SAMD4A: variants seen among roughly 807,000 people sequenced by gnomAD.
SAMD4A encodes the protein protein Smaug homolog 1.
A neutral mutation model predicts 81.3 loss-of-function variants in SAMD4A; 33 were observed. The observed-to-expected ratio is 0.41, with a 90% CI of 0.31 to 0.54. SAMD4A has a LOEUF of 0.54. SAMD4A is among the 20% of genes least tolerant of loss of function. The pLI is 0.37. For missense variants in SAMD4A, 854 were observed against 951.1 expected, an observed-to-expected ratio of 0.90 and a Z score of 1.34; for synonymous variants, 389 against 382.1, an observed-to-expected ratio of 1.02 and a Z score of -0.21.
chr14:54,707,683 A>G (rs967268633), intron 3 of SAMD4A, among the ~76,000 whole-genome samples: 2 of 152,140 alleles, frequency 1.3e-5, no homozygotes, highest in East Asian at 1.9e-4. Context: ...TGGTCAGGGT[A>G]GACCCCTTTG....
chr14:54,637,365 C>CAAAAAAAAAAAA (rs1172084217), intron 2 of SAMD4A, among the ~76,000 whole-genome samples: 2 of 63,790 alleles, frequency 3.1e-5, no homozygotes, highest in African/African-American at 1.4e-4. Flanking sequence ...AACTCCATCT[C>CAAAAAAAAAAAA]AAAAAAAAAA....
At chr14:54,605,788 C>T (rs1478018839) in intron 2 of SAMD4A, among the ~76,000 whole-genome samples, 1 of 151,710 alleles carries the variant, frequency 6.6e-6, no homozygotes, top group East Asian at 1.9e-4. Context: ...GGGCATTAAA[C>T]ATGCCTATAT....
chr14:54,594,570 G>T (rs1225530909), intron 2 of SAMD4A, among the ~76,000 whole-genome samples: 3 of 152,228 alleles, frequency 2.0e-5, no homozygotes, highest in Non-Finnish European at 4.4e-5. Context: ...GTTGGATATG[G>T]AAATTGTAGT....
chr14:54,762,887 C>G (rs902049204), intron 7 of SAMD4A, among the ~76,000 whole-genome samples: 16 of 150,040 alleles, frequency 1.1e-4, no homozygotes, highest in Non-Finnish European at 2.2e-4. Flanking sequence ...TGGAGTCTCG[C>G]TCTGTCACGC....
At chr14:54,776,375 G>A in intron 10 of SAMD4A, 39 bp from the exon 11 acceptor site, 1 of 1,576,528 alleles carries the variant, frequency 6.3e-7, no homozygotes, top group Non-Finnish European at 8.6e-7. Context: ...ACCCCAGTGG[G>A]GCTGAACTAA....
chr14:54,651,541 T>C (rs148873942), intron 2 of SAMD4A, among the ~76,000 whole-genome samples: 4,010 of 152,316 alleles, frequency 0.026, 59 homozygotes, highest in Middle Eastern at 0.082. Context: ...ATGGGTCATA[T>C]GTTGGAATTT....
At chr14:54,638,384 T>C (rs2035087870) in intron 2 of SAMD4A, among the ~76,000 whole-genome samples, 1 of 152,208 alleles carries the variant, frequency 6.6e-6, no homozygotes, top group Non-Finnish European at 1.5e-5. Flanking sequence ...CTGCGTGCAT[T>C]AATATTTCCT....
intron 2 of SAMD4A, among the ~76,000 whole-genome samples, chr14:54,691,407 G>T (rs753246315): frequency 6.6e-6 from 1 of 152,090 alleles, no homozygotes; most frequent in Non-Finnish European, 1.5e-5. Flanking sequence ...CAATTTCATG[G>T]CAGGATACCC....
intron 6 of SAMD4A, chr14:54,754,675 G>A (rs1367697864): frequency 1.7e-5 from 3 of 180,266 alleles, no homozygotes; most frequent in Non-Finnish European, 3.2e-5. Flanking sequence ...AGACACCGCT[G>A]GGCTGATGAT....
intron 7 of SAMD4A, among the ~76,000 whole-genome samples, chr14:54,764,102 C>CT (rs2038476228): frequency 6.6e-6 from 1 of 152,220 alleles, no homozygotes; most frequent in South Asian, 2.1e-4. Context: ...GTGTCAGGGT[C>CT]TTGGATACTT....
In SAMD4A at chr14:54,788,939, A is replaced by G. The variant is rs2039210309; in HGVS notation, c.2152A>G (p.Ile718Val). The change falls in exon 13 of 13, where the codon ATC (isoleucine) becomes GTC (valine). Residue 718 changes from isoleucine (I) to valine (V), a missense_variant. Ile to Val is a conservative substitution (Grantham distance 29). Around this residue, in one of 3 missense-constraint regions of SAMD4A, gnomAD observed 428 missense variants for 471.2 expected, o/e 0.91. Transcript: ENST00000554335. Reference sequence around the variant, plus strand: ...AGACGGGGTTGACCGGACCTCCACCATCTAGAAGCTGAAGACGAGAGTGAC... The same window carrying G: ...AGACGGGGTTGACCGGACCTCCACCGTCTAGAAGCTGAAGACGAGAGTGAC... ...LGDGVDRTST[I>V] 6.2e-7 allele frequency: 1 copy of G among 1,614,092 alleles called. No homozygotes were observed. Among genetic ancestry groups the G allele is most frequent in the South Asian group, 1.1e-5 (1 of 91,088 alleles).
rs567726988 is a variant in SAMD4A at position 54,621,274 on chromosome 14, C to T, written c.196+53162C>T. Among the ~76,000 whole-genome samples, 14 of 152,328 alleles carry T rather than the reference C, an allele frequency of 9.2e-5. No homozygotes were observed. The South Asian group carries it at 2.5e-3, about 27-fold the overall frequency. ...CACTCACCACAGACAGCCCAGATGTCACAAAGCAAGACCCTCCTGGTTAAA... is the reference window on the plus strand; with the variant it reads ...CACTCACCACAGACAGCCCAGATGTTACAAAGCAAGACCCTCCTGGTTAAA... On this transcript the variant is annotated intron_variant, in intron 2 of 12. Coordinates refer to ENST00000554335, the MANE Select transcript of SAMD4A (RefSeq NM_015589.6).
intron 2 of SAMD4A, among the ~76,000 whole-genome samples, chr14:54,603,790 T>A (rs1323762824): frequency 6.6e-6 from 1 of 151,586 alleles, no homozygotes; most frequent in Non-Finnish European, 1.5e-5. Flanking sequence ...ATTTCCATTA[T>A]TTTATTTGTT....
At chr14:54,764,223 A>C (rs1465293285) in intron 7 of SAMD4A, among the ~76,000 whole-genome samples, 1 of 152,156 alleles carries the variant, frequency 6.6e-6, no homozygotes, top group African/African-American at 2.4e-5. Context: ...CTTCATATAG[A>C]ATGGCATGAC....
intron 2 of SAMD4A, chr14:54,689,669 C>T (rs980816722): frequency 6.6e-6 from 1 of 152,194 alleles, no homozygotes; most frequent in African/African-American, 2.4e-5. Context: ...AGAGTGAATA[C>T]CTTAGAAAGG....
chr14:54,576,000 T>C, intron 2 of SAMD4A, among the ~76,000 whole-genome samples: 1 of 96,882 alleles, frequency 1.0e-5, no homozygotes, highest in Non-Finnish European at 2.0e-5. Context: ...TTTCTTTCTT[T>C]CTTTTTTTTT....
At chr14:54,695,993 G>C (rs2036569478) in intron 2 of SAMD4A, among the ~76,000 whole-genome samples, 1 of 151,582 alleles carries the variant, frequency 6.6e-6, no homozygotes, top group African/African-American at 2.4e-5. Context: ...AATAGGGGGA[G>C]GGTTTATATC....
At chr14:54,726,824 G>A (rs1288056134) in intron 3 of SAMD4A, among the ~76,000 whole-genome samples, 3 of 152,162 alleles carry the variant, frequency 2.0e-5, no homozygotes, top group African/African-American at 4.8e-5. Context: ...AGAACCACCG[G>A]TCTAGGAGAA....
At chr14:54,682,650 A>G (rs1404306486) in intron 2 of SAMD4A, among the ~76,000 whole-genome samples, 1 of 152,206 alleles carries the variant, frequency 6.6e-6, no homozygotes, top group African/African-American at 2.4e-5. Context: ...CACATAATCA[A>G]GTCTCCAAGG....
Sources: allele counts gnomAD v4.1 joint callset (sites outside exome capture counted in the v4.1 genomes callset), GRCh38; gene constraint gnomAD v4.1.1; regional missense constraint gnomAD v4.1.1; transcripts MANE v1.5; gene names NCBI Gene and HGNC (gene_info 2026-07-23, HGNC 2026-07-21).